SEC31B: variants seen among roughly 807,000 people sequenced by gnomAD.
The protein encoded by SEC31B is SEC31 homolog B, COPII component.
Under a neutral mutation model 135.0 loss-of-function variants are expected in SEC31B, and 113 were observed. That is an observed-to-expected ratio of 0.84 (90% CI 0.72 to 0.98). SEC31B has a LOEUF of 0.98. Ranked by LOEUF, SEC31B falls within the 50% of genes least tolerant of loss-of-function variation. The pLI, the probability that SEC31B is intolerant of heterozygous loss-of-function variation, is 0.00. For missense variants in SEC31B, 1,296 were observed against 1,421.1 expected (o/e 0.91, Z 1.42); for synonymous variants, 508 against 549.4 (o/e 0.92, Z 1.05).
In SEC31B at chr10:100,496,445, G is replaced by GA; in HGVS notation, c.2137-15dup. 6.2e-7 allele frequency: 1 copy of GA among 1,613,694 alleles called. No homozygotes were observed. Among genetic ancestry groups the GA allele is most frequent in the Non-Finnish European group, 8.5e-7 (1 of 1,179,760 alleles). ...CTCCATCAGGTCCTGTAAGGGCAAG[G>GA]ATGAGGGTGGTAAGCCTTCAATGAG... On this transcript the variant is annotated splice_polypyrimidine_tract_variant and intron_variant, in intron 17 of 25. Coordinates refer to ENST00000370345, the MANE Select transcript of SEC31B (RefSeq NM_015490.4).
In SEC31B at chr10:100,509,067, T is replaced by A. The variant is rs1291826713; in HGVS notation, c.435A>T (p.Glu145Asp). The change falls in exon 5 of 26, where the codon GAA (glutamate) becomes GAT (aspartate). Residue 145 changes from glutamate (E) to aspartate (D), a missense_variant. Glu to Asp is a conservative substitution (Grantham distance 45, BLOSUM62 2). Transcript: ENST00000370345. ...AGTTATTCAGATCCCAAATGAAGAT[T>A]TCAGAATCGCTGGCCCCTGAAGCCA... is the stretch of plus-strand genomic sequence containing the variant. Reference protein sequence around the residue: ...NLLASGASDSEIFIWDLNNLN... With the variant: ...NLLASGASDSDIFIWDLNNLN... 1 of 1,614,108 alleles carries A rather than the reference T, an allele frequency of 6.2e-7. No individual in the cohort carries two copies. Among genetic ancestry groups the A allele is most frequent in the South Asian group, 1.1e-5 (1 of 91,080 alleles).
At position 100,487,423 on chromosome 10, in the gene SEC31B, C is replaced by T. The variant is rs989448907; in HGVS notation, c.*193G>A. The T allele has an allele frequency of 1.7e-6, 1 of 603,894 alleles. No homozygotes were observed. Among genetic ancestry groups the T allele is most frequent in the African/African-American group, 1.9e-5 (1 of 53,892 alleles). The allele number at this position is 603,894 out of a possible 1,614,324, so 37.4% of individuals were successfully genotyped here. On this transcript the variant is annotated 3_prime_UTR_variant, in exon 26 of 26. Transcript: ENST00000370345. ...GGCCTGAGAGTGTCTTGGACAGATC[C>T]TAGAAGGCCAGACATAAAGGAGTAA...
chr10:100,508,141 C>A lies in SEC31B; in HGVS notation c.496-90G>T. 2.0e-6 allele frequency: 3 copies of A among 1,514,080 alleles called. No individual in the cohort carries two copies. The South Asian group carries it at 3.5e-5, about 18-fold the overall frequency. 93.8% of individuals were successfully genotyped at this position (1,514,080 alleles called of 1,614,324 possible). ...TTCCACTGCTCCCAGCCACCCACAG[C>A]AAGTCCAAGAATAGACATGGGGCTA... On this transcript the variant is annotated intron_variant, in intron 5 of 25. Coordinates refer to ENST00000370345, the MANE Select transcript of SEC31B (RefSeq NM_015490.4).
chr10:100,489,619 G>T (rs754667331), intron 22 of SEC31B, 84 bp downstream of exon 22: 25 of 1,589,242 alleles, frequency 1.6e-5, no homozygotes, highest in Non-Finnish European at 2.1e-5. Context: ...CTGAGAAGGG[G>T]AAGGACTGAC....
chr10:100,499,197 T>A lies in SEC31B; in HGVS notation c.1547A>T (p.Asp516Val), dbSNP rs542200191. The A allele has an allele frequency of 9.9e-6, 16 of 1,613,984 alleles. No individual in the cohort carries two copies. In the East Asian group the frequency reaches 3.3e-4, roughly 34 times the overall value. The change falls in exon 13 of 26, where the codon GAC (aspartate) becomes GTC (valine). Residue 516 changes from aspartate to valine, a missense_variant. Coordinates refer to ENST00000370345, the MANE Select transcript of SEC31B (RefSeq NM_015490.4). ...LGESPQPKGN[D>V]LNSDRQQAFC... ...GGCCTGTTGTCTGTCACTGTTGAGGTCATTTCCCTTGGGCTGAGGACTCTC... is the reference window on the plus strand; with the variant it reads ...GGCCTGTTGTCTGTCACTGTTGAGGACATTTCCCTTGGGCTGAGGACTCTC...
At chr10:100,500,495 T>C (rs1488048031) in intron 11 of SEC31B, among the ~76,000 whole-genome samples, 3 of 151,950 alleles carry the variant, frequency 2.0e-5, no homozygotes, top group Admixed American at 1.3e-4. Context: ...TTTGTATTTT[T>C]AGTAGAGACA....
chr10:100,506,184 T>A lies in SEC31B; in HGVS notation c.900A>T (p.Pro300=). The change falls in exon 9 of 26, where the codon CCA becomes CCT. Residue 300 remains proline (P), a synonymous_variant. Transcript: ENST00000370345. ...LGSSEVVYKL[P]TQSSWCFDVQ... Reference sequence around the variant, plus strand: ...CATCAAAGCACCAGCTGCTCTGTGTTGGTAGCTTATATACCACCTAATATG... The same window carrying A: ...CATCAAAGCACCAGCTGCTCTGTGTAGGTAGCTTATATACCACCTAATATG... The A allele has an allele frequency of 6.2e-7, 1 of 1,614,194 alleles. No individual in the cohort carries two copies. Among genetic ancestry groups the A allele is most frequent in the South Asian group, 1.1e-5 (1 of 91,086 alleles).
At chr10:100,515,917 G>C (rs778914800) in intron 3 of SEC31B, among the ~76,000 whole-genome samples, 179 bp downstream of exon 3, 20 of 152,116 alleles carry the variant, frequency 1.3e-4, no homozygotes, top group East Asian at 7.7e-4. Flanking sequence ...ACTGGAAAGG[G>C]GGGGGGTGGT....
At chr10:100,498,330 A>C in intron 14 of SEC31B, 123 bp from the exon 15 acceptor site, 5 of 946,142 alleles carry the variant, frequency 5.3e-6, no homozygotes, top group Non-Finnish European at 7.8e-6. Context: ...TCCAAACTAA[A>C]TCCTCAAGTT....
Position 100,489,209 on chromosome 10 carries a change from C to A in SEC31B, c.3171+43G>T, listed in dbSNP as rs143601783. On this transcript the variant is annotated intron_variant, in intron 23 of 25. Coordinates refer to ENST00000370345, the MANE Select transcript of SEC31B (RefSeq NM_015490.4). Reference sequence around the variant, plus strand: ...TACCATGACCTGCACCCAAGGAGGGCTGGAAGGTTTCCCAAGGGAGGGGAA... The same window carrying A: ...TACCATGACCTGCACCCAAGGAGGGATGGAAGGTTTCCCAAGGGAGGGGAA... 3.2e-6 allele frequency: 5 copies of A among 1,565,024 alleles called. No homozygotes were observed. The African/African-American group carries it at 5.5e-5, about 17-fold the overall frequency.
chr10:100,494,257 A>T (rs1851361990), intron 19 of SEC31B, among the ~76,000 whole-genome samples: 1 of 152,140 alleles, frequency 6.6e-6, no homozygotes, highest in Non-Finnish European at 1.5e-5. Flanking sequence ...CCAAACTATC[A>T]GCAATTCTGT....
At chr10:100,519,075 C>T (rs1022739011) in intron 1 of SEC31B, among the ~76,000 whole-genome samples, 1 of 152,222 alleles carries the variant, frequency 6.6e-6, no homozygotes, top group Non-Finnish European at 1.5e-5. Context: ...ATGATTATCC[C>T]CATTTTCTAG....
intron 10 of SEC31B, among the ~76,000 whole-genome samples, chr10:100,503,846 A>G (rs933416627): frequency 6.6e-6 from 1 of 151,756 alleles, no homozygotes; most frequent in African/African-American, 2.4e-5. Context: ...GGTTTGTTGT[A>G]CAGATTATTT....
In SEC31B at chr10:100,488,871, G is replaced by A. The variant is rs1390519526; in HGVS notation, c.3275C>T (p.Ser1092Phe). ...FEALLQRCSL[S>F]ATDLKTKRKL... ...GTTCAGACTTACTAAGTCAGTTGCA[G>A]ACAGGGAGCAGCGTTGGAGAAGCGC... Residue 1092 changes from serine (S) to phenylalanine (F), a missense_variant, in exon 24 of 26, where the codon TCT becomes TTT. Physicochemically the swap from Ser to Phe is radical, Grantham distance 155 (BLOSUM62 -2). Transcript: ENST00000370345. 6.3e-7 allele frequency: 1 copy of A among 1,597,954 alleles called. No individual in the cohort carries two copies. The highest frequency in any genetic ancestry group is 1.1e-5 in the South Asian group (1 of 88,358).
intron 3 of SEC31B, among the ~76,000 whole-genome samples, chr10:100,512,659 G>A (rs1851756703): frequency 6.6e-6 from 1 of 152,208 alleles, no homozygotes; most frequent in African/African-American, 2.4e-5. Context: ...TGAGGCATGG[G>A]TTTGGAGAAA....
At position 100,508,012 on chromosome 10, in the gene SEC31B, G is replaced by C. The variant is rs1851665871; in HGVS notation, c.535C>G (p.Gln179Glu). ...EDIKALSWNR[Q>E]AQHILSSAHP... ...GCAGAAGACAGAATGTGTTGGGCTT[G>C]CCGGTTCCAAGACAGTGCCTTGATG... is the stretch of plus-strand genomic sequence containing the variant. The change falls in exon 6 of 26, where the codon CAA becomes GAA. Residue 179 changes from glutamine (Q) to glutamate (E), a missense_variant. Physicochemically the swap from Gln to Glu is conservative, Grantham distance 29. Transcript: ENST00000370345. 6.2e-7 allele frequency: 1 copy of C among 1,614,116 alleles called. No individual in the cohort carries two copies. The highest frequency in any genetic ancestry group is 1.7e-5 in the Admixed American group (1 of 60,014).
rs917567986 is a variant in SEC31B, at chr10:100,493,329, C to T, written c.2472+2056G>A. Reference sequence around the variant, plus strand: ...CAGAGCTTGCAGTGAGCCAAGATCGCGCCACTGCACTCCAGCCTGGGCAAC... The same window carrying T: ...CAGAGCTTGCAGTGAGCCAAGATCGTGCCACTGCACTCCAGCCTGGGCAAC... On this transcript the variant is annotated intron_variant, in intron 19 of 25. Coordinates refer to ENST00000370345, the MANE Select transcript of SEC31B (RefSeq NM_015490.4). 2.8e-4 allele frequency among the ~76,000 whole-genome samples: 42 copies of T among 150,978 alleles called. 4 individuals carry two copies. The South Asian group carries it at 7.6e-3, about 27-fold the overall frequency.
Position 100,498,717 on chromosome 10 carries a change from G to A in SEC31B, c.1672C>T (p.Pro558Ser), listed in dbSNP as rs753547182. The A allele has an allele frequency of 5.0e-6, 8 of 1,612,272 alleles. No homozygotes were observed. The highest frequency in any genetic ancestry group is 1.1e-5 in the South Asian group (1 of 91,030). Residue 558 changes from proline (P) to serine (S), a missense_variant, in exon 14 of 26, where the codon CCC becomes TCC. Pro to Ser is a moderately conservative substitution (Grantham distance 74, BLOSUM62 -1). Transcript: ENST00000370345. Reference sequence around the variant, plus strand: ...AGGGTCAGGGTACCTTTTGTGATGGGGATCTCCCAAGGAGTCATGTTCTGA... The same window carrying A: ...AGGGTCAGGGTACCTTTTGTGATGGAGATCTCCCAAGGAGTCATGTTCTGA... ...VPQNMTPWEI[P>S]ITKDIDGLLS...
rs561941798 is a variant in SEC31B at position 100,493,372 on chromosome 10, C to CAAAAA, written c.2472+2008_2472+2012dup. ...TGGGCAACAAAGCAAGACTCCATCT[C>CAAAAA]AAAAAAAAAAAAAATTAAAACCATG... is the stretch of plus-strand genomic sequence containing the variant. On this transcript the variant is annotated intron_variant, in intron 19 of 25. Transcript: ENST00000370345. Among the ~76,000 whole-genome samples the CAAAAA allele has an allele frequency of 7.6e-3, 995 of 130,270 alleles. 21 individuals carry two copies. The highest frequency in any genetic ancestry group is 0.026 in the African/African-American group (920 of 35,166). 85.5% of individuals were successfully genotyped at this position (130,270 alleles called of 152,430 possible).
Sources: allele counts gnomAD v4.1 joint callset (sites outside exome capture counted in the v4.1 genomes callset), GRCh38; gene constraint gnomAD v4.1.1; transcripts MANE v1.5; gene names NCBI Gene and HGNC (gene_info 2026-07-23, HGNC 2026-07-21).